The following DAB1 variants were observed in gnomAD, a reference collection of about 807,000 sequenced individuals.
The protein encoded by DAB1 is DAB adaptor protein 1.
DAB1 carries 15 observed loss-of-function variants against 64.6 expected under a neutral mutation model. The observed-to-expected ratio is 0.23, with a 90% CI of 0.16 to 0.36. The LOEUF (loss-of-function observed/expected upper bound fraction) is 0.36. Ranked by LOEUF, DAB1 falls within the 10% of genes least tolerant of loss-of-function variation. The pLI is 1.00. For synonymous variants in DAB1, 235 were observed against 251.9 expected, an observed-to-expected ratio of 0.93 and a Z score of 0.64; for missense variants, 596 against 706.7, an observed-to-expected ratio of 0.84 and a Z score of 1.78.
At chr1:57,594,352 A>G (rs1645481014) in intron 7 of DAB1, among the ~76,000 whole-genome samples, 1 of 152,188 alleles carries the variant, frequency 6.6e-6, no homozygotes, top group Non-Finnish European at 1.5e-5. Context: ...TTGAGACGTG[A>G]CACGCAGGAT....
intron 7 of DAB1, among the ~76,000 whole-genome samples, chr1:57,625,143 C>T (rs1388397938): frequency 1.3e-5 from 2 of 152,126 alleles, no homozygotes; most frequent in Admixed American, 6.5e-5. Context: ...TCCCATGGTC[C>T]TTTTCTCCCT....
At chr1:57,152,418 T>C (rs947629060) in intron 2 of DAB1, among the ~76,000 whole-genome samples, 3 of 152,214 alleles carry the variant, frequency 2.0e-5, no homozygotes, top group African/African-American at 7.2e-5. Context: ...AATCCGAGAA[T>C]TGAATTTTCA....
chr1:57,984,179 T>TAAAAAAAAA (rs769375614), intron 5 of DAB1, among the ~76,000 whole-genome samples: 3 of 34,264 alleles, frequency 8.8e-5, no homozygotes, highest in African/African-American at 2.6e-4. Flanking sequence ...AGGACTAGCT[T>TAAAAAAAAA]AAAAAAAAGA....
At chr1:57,332,628 A>T (rs1558183699) in intron 1 of DAB1, among the ~76,000 whole-genome samples, 1 of 152,214 alleles carries the variant, frequency 6.6e-6, no homozygotes, top group Non-Finnish European at 1.5e-5. Flanking sequence ...TAAATGTATC[A>T]GGTAAATTAG....
At chr1:57,932,636 G>A (rs966710899) in intron 5 of DAB1, among the ~76,000 whole-genome samples, 3 of 152,196 alleles carry the variant, frequency 2.0e-5, no homozygotes, top group Admixed American at 1.3e-4. Flanking sequence ...GTGCCTGTAC[G>A]TTAAGGATCA....
chr1:58,254,405 T>TTA (rs1570543933), intron 4 of DAB1, among the ~76,000 whole-genome samples: 2 of 149,558 alleles, frequency 1.3e-5, no homozygotes, highest in African/African-American at 2.5e-5. Flanking sequence ...ATTTTTTTTT[T>TTA]ATTATACTTT....
intron 2 of DAB1, among the ~76,000 whole-genome samples, chr1:57,281,917 G>A (rs1671925838): frequency 6.6e-6 from 1 of 151,980 alleles, no homozygotes; most frequent in Admixed American, 6.6e-5. Context: ...TTAACCAAAA[G>A]GTGACTGTAA....
chr1:58,263,762 G>T (rs1424216652), intron 4 of DAB1, among the ~76,000 whole-genome samples: 1 of 152,156 alleles, frequency 6.6e-6, no homozygotes, highest in African/African-American at 2.4e-5. Flanking sequence ...CTGTAAAATG[G>T]TGGTAACAAT....
At chr1:57,837,752 T>C (rs1156599594) in intron 1 of DAB1, among the ~76,000 whole-genome samples, 1 of 151,892 alleles carries the variant, frequency 6.6e-6, no homozygotes, top group Non-Finnish European at 1.5e-5. Flanking sequence ...CAGTCTTATC[T>C]GTTATCACCA....
intron 7 of DAB1, among the ~76,000 whole-genome samples, chr1:57,543,273 C>A (rs1428928992): frequency 6.6e-6 from 1 of 152,158 alleles, no homozygotes; most frequent in Admixed American, 6.5e-5. Flanking sequence ...AACCACATAG[C>A]TTAGTAAATG....
chr1:57,198,472 C>T (rs866346543), intron 2 of DAB1, among the ~76,000 whole-genome samples: 2 of 152,122 alleles, frequency 1.3e-5, no homozygotes, highest in African/African-American at 4.8e-5. Context: ...AGTCTAGAGA[C>T]TCATCTTTCA....
chr1:58,415,001 C>T (rs1287766143), intron 3 of DAB1, among the ~76,000 whole-genome samples: 2 of 152,248 alleles, frequency 1.3e-5, no homozygotes, highest in African/African-American at 2.4e-5. Context: ...ATAGTGTCTT[C>T]TCCCAAATTT....
chr1:57,204,244 T>C (rs1183460346), intron 2 of DAB1, among the ~76,000 whole-genome samples: 1 of 152,120 alleles, frequency 6.6e-6, no homozygotes, highest in Admixed American at 6.5e-5. Flanking sequence ...TATGAAATCA[T>C]ATCTGGAAGC....
upstream of DAB1, among the ~76,000 whole-genome samples, chr1:57,886,668 A>G (rs1329149825): frequency 6.6e-6 from 1 of 152,196 alleles, no homozygotes; most frequent in Non-Finnish European, 1.5e-5. Context: ...TTCTCTGCAC[A>G]GCTGGACTAA....
At chr1:57,139,182 G>A (rs1355927115) in intron 3 of DAB1, among the ~76,000 whole-genome samples, 1 of 152,158 alleles carries the variant, frequency 6.6e-6, no homozygotes, top group Non-Finnish European at 1.5e-5. Context: ...TTGCCAGAGT[G>A]ATAGTACCGG....
chr1:58,038,582 T>TA (rs796950496), intron 5 of DAB1, among the ~76,000 whole-genome samples: 1 of 152,156 alleles, frequency 6.6e-6, no homozygotes, highest in South Asian at 2.1e-4. Flanking sequence ...AAGCTCCTTT[T>TA]TTTACCAAAT....
chr1:57,754,614 C>T (rs935057245), intron 6 of DAB1, among the ~76,000 whole-genome samples: 10 of 151,942 alleles, frequency 6.6e-5, no homozygotes, highest in Non-Finnish European at 1.2e-4. Flanking sequence ...TGAAAAAAAA[C>T]GGGAGGCGGA....
chr1:57,078,544 A>G (rs1336570414), intron 4 of DAB1, among the ~76,000 whole-genome samples: 16 of 152,212 alleles, frequency 1.1e-4, no homozygotes. Context: ...AATATTGACC[A>G]AAGTGTGATG....
intron 2 of DAB1, among the ~76,000 whole-genome samples, chr1:58,525,710 T>G (rs538750094): frequency 6.6e-6 from 1 of 152,248 alleles, no homozygotes. Flanking sequence ...ATGTATAATT[T>G]AATAAGCTAT....
Sources: gnomAD v4.1 joint callset for allele counts (sites outside exome capture counted in the v4.1 genomes callset) on GRCh38, gnomAD v4.1.1 for gene constraint, MANE v1.5 for transcripts, NCBI Gene and HGNC (gene_info 2026-07-23, HGNC 2026-07-21) for gene names.